MAN2A1: variants seen among roughly 807,000 people sequenced by gnomAD.
MAN2A1 encodes the protein alpha-mannosidase 2.
MAN2A1 carries 76 observed loss-of-function variants against 142.6 expected under a neutral mutation model. The observed-to-expected ratio is 0.53, with a 90% CI of 0.44 to 0.65. The LOEUF is 0.65. Among genes scored for constraint, MAN2A1 ranks in the 30% least tolerant of loss-of-function variants. The pLI, the probability that MAN2A1 is intolerant of heterozygous loss-of-function variation, is 0.00. For missense variants in MAN2A1, 1,311 were observed against 1,365.1 expected (o/e 0.96, Z 0.62); for synonymous variants, 559 against 473.2 (o/e 1.18, Z -2.35).
intron 16 of MAN2A1, among the ~76,000 whole-genome samples, chr5:109,834,804 G>A (rs911661676): frequency 1.3e-5 from 2 of 152,090 alleles, no homozygotes; most frequent in African/African-American, 4.8e-5. Context: ...TTCACTTGTG[G>A]AGAAATAATC....
intron 4 of MAN2A1, among the ~76,000 whole-genome samples, chr5:109,752,570 A>T (rs1488712449): frequency 6.6e-6 from 1 of 151,256 alleles, no homozygotes; most frequent in African/African-American, 2.4e-5. Flanking sequence ...TTGGTTTCTG[A>T]TAAAGACTGT....
chr5:109,715,131 C>T (rs1751416621), intron 2 of MAN2A1, among the ~76,000 whole-genome samples: 1 of 152,020 alleles, frequency 6.6e-6, no homozygotes, highest in Admixed American at 6.5e-5. Flanking sequence ...AAGAAACAGA[C>T]ACTGCTAACA....
Position 109,690,238 on chromosome 5 carries a change from G to A in MAN2A1, c.-180G>A. 1.6e-6 allele frequency: 1 copy of A among 641,580 alleles called. No individual in the cohort carries two copies. The highest frequency in any genetic ancestry group is 2.4e-5 in the Admixed American group (1 of 40,982). 39.7% of individuals were successfully genotyped at this position (641,580 alleles called of 1,614,324 possible). A position where few individuals can be genotyped will look rare whatever the true frequency, so the allele number is the denominator to read the frequency against. On this transcript the variant is annotated 5_prime_UTR_variant, in exon 1 of 22. Coordinates refer to ENST00000261483, the MANE Select transcript of MAN2A1 (RefSeq NM_002372.4). Reference sequence around the variant, plus strand: ...GCGGCAGGCCAGGGCGAAGGCCAAGGGCGTGTGGTGGCGCCGGAGACTAGG... The same window carrying A: ...GCGGCAGGCCAGGGCGAAGGCCAAGAGCGTGTGGTGGCGCCGGAGACTAGG...
intron 10 of MAN2A1, among the ~76,000 whole-genome samples, chr5:109,788,609 A>T (rs1399965336): frequency 1.3e-5 from 2 of 151,870 alleles, no homozygotes; most frequent in Non-Finnish European, 2.9e-5. Flanking sequence ...TTTTTTTGAT[A>T]GAATGCTTCA....
chr5:109,758,143 A>G (rs1752739866), intron 5 of MAN2A1, among the ~76,000 whole-genome samples: 1 of 152,096 alleles, frequency 6.6e-6, no homozygotes, highest in Admixed American at 6.6e-5. Context: ...CCCACCAGCA[A>G]TGTGTGAGGT....
intron 1 of MAN2A1, among the ~76,000 whole-genome samples, chr5:109,701,349 G>T (rs1187255716): frequency 6.6e-6 from 1 of 152,166 alleles, no homozygotes; most frequent in African/African-American, 2.4e-5. Context: ...TTGAATCCTG[G>T]AGGAGATTGG....
intron 20 of MAN2A1, among the ~76,000 whole-genome samples, chr5:109,857,299 T>G (rs1755649638): frequency 6.7e-6 from 1 of 150,040 alleles, no homozygotes; most frequent in Admixed American, 6.6e-5. Context: ...GTGTAGATGT[T>G]TTTTCTAGGA....
intron 16 of MAN2A1, among the ~76,000 whole-genome samples, chr5:109,836,917 C>T (rs1274889768): frequency 6.6e-6 from 1 of 151,986 alleles, no homozygotes; most frequent in Non-Finnish European, 1.5e-5. Context: ...CGATTTTCAG[C>T]ATAGTTTATC....
chr5:109,705,176 T>A (rs1751095511), intron 1 of MAN2A1, among the ~76,000 whole-genome samples: 1 of 152,150 alleles, frequency 6.6e-6, no homozygotes, highest in African/African-American at 2.4e-5. Context: ...ATCTTTCTTG[T>A]CATTCTTTCA....
At chr5:109,812,890 A>G (rs1754356082) in intron 12 of MAN2A1, among the ~76,000 whole-genome samples, 1 of 152,168 alleles carries the variant, frequency 6.6e-6, no homozygotes, top group South Asian at 2.1e-4. Context: ...ACTACTGAAC[A>G]TTATTCTGTG....
At chr5:109,719,659 C>T (rs1342641934) in intron 3 of MAN2A1, among the ~76,000 whole-genome samples, 2 of 151,832 alleles carry the variant, frequency 1.3e-5, no homozygotes, top group Non-Finnish European at 2.9e-5. Context: ...GGTGGATTTT[C>T]GTCTATTGGG....
Position 109,868,169 on chromosome 5 carries a change from G to GTTT in MAN2A1, c.*1173_*1174insTTT, listed in dbSNP as rs1198359121. 6.6e-6 allele frequency: 1 copy of GTTT among 152,176 alleles called. No individual in the cohort carries two copies. The highest frequency in any genetic ancestry group is 1.5e-5 in the Non-Finnish European group (1 of 68,012). The allele number at this position is 152,176 out of a possible 1,614,324, so 9.4% of individuals were successfully genotyped here. A position where few individuals can be genotyped will look rare whatever the true frequency, so the allele number is the denominator to read the frequency against. On this transcript the variant is annotated 3_prime_UTR_variant, in exon 22 of 22. Coordinates refer to ENST00000261483, the MANE Select transcript of MAN2A1 (RefSeq NM_002372.4). ...CAGCTACTGTTTCCATTTCACAGTA[G>GTTT]TTAACTATATTAAAGAGAGAATGCT...
At chr5:109,763,553 T>A (rs995119915) in intron 5 of MAN2A1, among the ~76,000 whole-genome samples, 1 of 151,854 alleles carries the variant, frequency 6.6e-6, no homozygotes, top group Non-Finnish European at 1.5e-5. Flanking sequence ...AGTTTTAGGG[T>A]ACATGTGCAC....
intron 16 of MAN2A1, among the ~76,000 whole-genome samples, chr5:109,833,877 T>C (rs1447079721): frequency 6.6e-6 from 1 of 152,210 alleles, no homozygotes; most frequent in Non-Finnish European, 1.5e-5. Context: ...TCAATTTTGG[T>C]GAAAGCAAGC....
chr5:109,811,602 G>GTC (rs1554080736), intron 12 of MAN2A1, among the ~76,000 whole-genome samples: 1 of 140,168 alleles, frequency 7.1e-6, no homozygotes, highest in African/African-American at 2.5e-5. Context: ...GTGTGTGTGT[G>GTC]TGTGTCTGTG....
At chr5:109,690,895 G>T (rs1215757666) in intron 1 of MAN2A1, among the ~76,000 whole-genome samples, 2 of 152,152 alleles carry the variant, frequency 1.3e-5, no homozygotes, top group South Asian at 4.1e-4. Flanking sequence ...CGCCAGCCCG[G>T]GGCCCGCGTA....
intron 5 of MAN2A1, among the ~76,000 whole-genome samples, chr5:109,761,998 G>C (rs566317103): frequency 1.3e-5 from 2 of 151,926 alleles, no homozygotes; most frequent in African/African-American, 2.4e-5. Flanking sequence ...TGGGAAAATA[G>C]GAAAAAATAA....
intron 1 of MAN2A1, among the ~76,000 whole-genome samples, chr5:109,699,999 T>C (rs562020940): frequency 2.0e-5 from 3 of 152,330 alleles, no homozygotes; most frequent in South Asian, 2.1e-4. Context: ...GAAGGAAATA[T>C]TCTGAGCATT....
At chr5:109,832,959 C>T (rs1346001389) in intron 16 of MAN2A1, among the ~76,000 whole-genome samples, 2 of 151,308 alleles carry the variant, frequency 1.3e-5, no homozygotes, top group Non-Finnish European at 2.9e-5. Context: ...GACGGGGTGG[C>T]GGTCGGGCAC....
Sources: gnomAD v4.1 joint callset for allele counts (sites outside exome capture counted in the v4.1 genomes callset) on GRCh38, gnomAD v4.1.1 for gene constraint, MANE v1.5 for transcripts, NCBI Gene and HGNC (gene_info 2026-07-23, HGNC 2026-07-21) for gene names.